The following SLC38A9 variants were observed in gnomAD, a reference collection of about 807,000 sequenced individuals.
The protein encoded by SLC38A9 is neutral amino acid transporter 9.
A neutral mutation model predicts 62.3 loss-of-function variants in SLC38A9; 48 were observed. The ratio of observed to expected loss-of-function variants is 0.77; its 90% CI spans 0.61 to 0.98. The LOEUF is 0.98. Ranked by LOEUF, SLC38A9 falls within the 50% of genes least tolerant of loss-of-function variation. The probability of loss-of-function intolerance (pLI) is 0.00; values close to 1 mark genes in which losing one functional copy is unlikely to be tolerated. For synonymous variants in SLC38A9, 204 were observed against 227.7 expected (o/e 0.90, Z 0.94); for missense variants, 541 against 679.8 (o/e 0.80, Z 2.27).
intron 11 of SLC38A9, among the ~76,000 whole-genome samples, chr5:55,647,540 C>T (rs11744241): frequency 0.59 from 90,423 of 151,978 alleles, 27,571 homozygotes; most frequent in South Asian, 0.7. Flanking sequence ...AAAATAAGAT[C>T]TATTAGTTTT....
rs775914312 is a variant in SLC38A9 at position 55,672,568 on chromosome 5, C to T, written c.241G>A (p.Ala81Thr). ...YSRLTTPADKALIAPDHVVPA... is the reference protein window; with the variant it reads ...YSRLTTPADKTLIAPDHVVPA... Reference sequence around the variant, plus strand: ...AGTAATGTTTTGTCTCTTACCAGTGCCTTGTCTGCAGGAGTGGTGAGCCGG... The same window carrying T: ...AGTAATGTTTTGTCTCTTACCAGTGTCTTGTCTGCAGGAGTGGTGAGCCGG... The change falls in exon 4 of 16, where the codon GCA becomes ACA. Residue 81 changes from alanine (A) to threonine (T), a missense_variant. Ala to Thr is a moderately conservative substitution (Grantham distance 58). Transcript: ENST00000396865. 5 of 1,613,784 alleles carry T rather than the reference C, an allele frequency of 3.1e-6. No individual in the cohort carries two copies. The highest frequency in any genetic ancestry group is 4.5e-5 in the East Asian group (2 of 44,890).
At chr5:55,687,413 C>G in intron 3 of SLC38A9, among the ~76,000 whole-genome samples, 1 of 97,778 alleles carries the variant, frequency 1.0e-5, no homozygotes, top group South Asian at 3.5e-4. Context: ...GGCGACAGAA[C>G]GAGACTCCGT....
intron 10 of SLC38A9, among the ~76,000 whole-genome samples, chr5:55,651,845 C>A (rs1316450308): frequency 6.6e-6 from 1 of 151,802 alleles, no homozygotes; most frequent in Non-Finnish European, 1.5e-5. Flanking sequence ...CTATAATATC[C>A]AATTTGGATC....
intron 2 of SLC38A9, among the ~76,000 whole-genome samples, chr5:55,709,967 G>T (rs1372561889): frequency 6.7e-6 from 1 of 150,136 alleles, no homozygotes; most frequent in East Asian, 2.0e-4. Context: ...TACTTGGGAG[G>T]CTAAGGCAGG....
chr5:55,626,365 C>T lies in SLC38A9; in HGVS notation c.*129G>A. ...TACTCATTAAGGGGCCACTATTTCC[C>T]TTGCTTTCAAATTATCTTAGAAAAT... is the stretch of plus-strand genomic sequence containing the variant. On this transcript the variant is annotated 3_prime_UTR_variant, in exon 16 of 16. Transcript: ENST00000396865. 1 of 874,674 alleles carries T rather than the reference C, an allele frequency of 1.1e-6. No homozygotes were observed. Among genetic ancestry groups the T allele is most frequent in the African/African-American group, 1.7e-5 (1 of 58,850 alleles). The allele number at this position is 874,674 out of a possible 1,614,324, so 54.2% of individuals were successfully genotyped here.
chr5:55,655,679 A>C (rs1748286007), intron 9 of SLC38A9, among the ~76,000 whole-genome samples: 1 of 152,176 alleles, frequency 6.6e-6, no homozygotes, highest in African/African-American at 2.4e-5. Context: ...TCATTATTAT[A>C]TCCCTAGAGC....
intron 2 of SLC38A9, among the ~76,000 whole-genome samples, chr5:55,706,855 A>T (rs1757354218): frequency 1.3e-5 from 2 of 151,690 alleles, no homozygotes; most frequent in African/African-American, 2.4e-5. Flanking sequence ...TTTAATTTTT[A>T]TTTTTTTGTG....
intron 3 of SLC38A9, among the ~76,000 whole-genome samples, chr5:55,677,926 TTGTGTGTGTGTGTGTG>T (rs10682261): frequency 8.9e-6 from 1 of 112,144 alleles, no homozygotes; most frequent in Admixed American, 1.0e-4. Flanking sequence ...TTTTTCTTTA[TTGTGTGTGTGTGTGTG>T]TGTGTGTGTG....
intron 8 of SLC38A9, among the ~76,000 whole-genome samples, chr5:55,659,869 C>T (rs189851784): frequency 1.9e-4 from 29 of 151,680 alleles, no homozygotes; most frequent in African/African-American, 5.8e-4. Flanking sequence ...AGGTTCATGC[C>T]ATTCTCCTGC....
intron 13 of SLC38A9, chr5:55,634,560 G>A (rs1346311947): frequency 6.6e-6 from 1 of 152,126 alleles, no homozygotes; most frequent in Non-Finnish European, 1.5e-5. Flanking sequence ...TCCCAAGGGA[G>A]TAGGCTTTGT....
chr5:55,699,840 G>C (rs1390076351), intron 2 of SLC38A9, among the ~76,000 whole-genome samples: 1 of 152,114 alleles, frequency 6.6e-6, no homozygotes, highest in Admixed American at 6.6e-5. Context: ...GTGGCAGAGA[G>C]AGAAAAATAA....
At chr5:55,668,065 G>T (rs1213944667) in intron 7 of SLC38A9, among the ~76,000 whole-genome samples, 1 of 152,166 alleles carries the variant, frequency 6.6e-6, no homozygotes, top group African/African-American at 2.4e-5. Flanking sequence ...CCAGCTACCT[G>T]GGAGGCTGAG....
intron 3 of SLC38A9, among the ~76,000 whole-genome samples, chr5:55,673,641 T>C (rs1395293477): frequency 6.6e-6 from 1 of 151,818 alleles, no homozygotes; most frequent in Admixed American, 6.6e-5. Context: ...TCTATACTTA[T>C]GGTTCTGAAA....
chr5:55,653,095 T>C lies in SLC38A9; in HGVS notation c.758-372A>G, dbSNP rs1357568677. Among the ~76,000 whole-genome samples, 6 of 152,176 alleles carry C rather than the reference T, an allele frequency of 3.9e-5. No individual in the cohort carries two copies. The East Asian group carries it at 9.6e-4, about 24-fold the overall frequency. ...GATTCTCTTGTTGCAGCCTCCCAAGTAGCTGGAACTACAGGCACACATCAC... is the reference window on the plus strand; with the variant it reads ...GATTCTCTTGTTGCAGCCTCCCAAGCAGCTGGAACTACAGGCACACATCAC... On this transcript the variant is annotated intron_variant, in intron 9 of 15. Transcript: ENST00000396865.
At chr5:55,672,078 C>T (rs1751422197) in intron 4 of SLC38A9, among the ~76,000 whole-genome samples, 1 of 152,096 alleles carries the variant, frequency 6.6e-6, no homozygotes, top group Non-Finnish European at 1.5e-5. Flanking sequence ...TCTTGAACCC[C>T]TGGGCTCAAG....
chr5:55,702,345 G>A lies in SLC38A9; in HGVS notation c.-34-4353C>T, dbSNP rs566883481. ...GGCATGATCATGGCTCACTGCAGCC[G>A]CGACCTCTTGGGCTCCAGTGATCCT... On this transcript the variant is annotated intron_variant, in intron 2 of 15. Coordinates refer to ENST00000396865, the MANE Select transcript of SLC38A9 (RefSeq NM_173514.4). 1.2e-4 allele frequency among the ~76,000 whole-genome samples: 18 copies of A among 151,462 alleles called. No homozygotes were observed. The East Asian group carries it at 2.7e-3, about 23-fold the overall frequency.
intron 12 of SLC38A9, among the ~76,000 whole-genome samples, chr5:55,636,871 A>G (rs1744472812): frequency 6.6e-6 from 1 of 152,176 alleles, no homozygotes; most frequent in Admixed American, 6.6e-5. Context: ...AATGCGTCTA[A>G]TTGCTTAGGA....
chr5:55,627,206 C>A (rs144042963), intron 15 of SLC38A9, among the ~76,000 whole-genome samples: 64 of 152,226 alleles, frequency 4.2e-4, no homozygotes, highest in African/African-American at 1.5e-3. Flanking sequence ...CTGGTAAGCC[C>A]TTTATATTCA....
chr5:55,657,292 C>T (rs1328251497), intron 8 of SLC38A9, among the ~76,000 whole-genome samples: 2 of 152,102 alleles, frequency 1.3e-5, no homozygotes, highest in East Asian at 3.8e-4. Flanking sequence ...AAAATCTTTA[C>T]GTGTAAATTG....
Sources: gnomAD v4.1 joint callset for allele counts (sites outside exome capture counted in the v4.1 genomes callset) on GRCh38, gnomAD v4.1.1 for gene constraint, MANE v1.5 for transcripts, NCBI Gene and HGNC (gene_info 2026-07-23, HGNC 2026-07-21) for gene names.